The following SCHIP1 variants were observed in gnomAD, a reference collection of about 807,000 sequenced individuals.
SCHIP1 encodes schwannomin interacting protein 1.
SCHIP1 carries 8 observed loss-of-function variants against 29.7 expected under a neutral mutation model. The ratio of observed to expected loss-of-function variants is 0.27; its 90% CI spans 0.16 to 0.49. The LOEUF (loss-of-function observed/expected upper bound fraction) is 0.49. Among genes scored for constraint, SCHIP1 ranks in the 20% least tolerant of loss-of-function variants. The pLI, the probability that SCHIP1 is intolerant of heterozygous loss-of-function variation, is 0.99. For synonymous variants in SCHIP1, 76 were observed against 94.9 expected, an observed-to-expected ratio of 0.80 and a Z score of 1.16; for missense variants, 193 against 294.6, an observed-to-expected ratio of 0.66 and a Z score of 2.52.
the SCHIP1 span, among the ~76,000 whole-genome samples, chr3:159,357,553 A>G: frequency 6.6e-6 from 1 of 152,160 alleles, no homozygotes; most frequent in African/African-American, 2.4e-5. Flanking sequence ...TGTGTAGACT[A>G]GAAGGACTCA....
the SCHIP1 span, among the ~76,000 whole-genome samples, chr3:159,424,241 C>T: frequency 2.6e-5 from 4 of 151,144 alleles, no homozygotes; most frequent in South Asian, 2.1e-4. Flanking sequence ...GATCAAACTA[C>T]GAACTACAGG....
At chr3:159,812,214 A>C in the SCHIP1 span, among the ~76,000 whole-genome samples, 1 of 151,906 alleles carries the variant, frequency 6.6e-6, no homozygotes, top group East Asian at 1.9e-4. Flanking sequence ...CAAGTGATCC[A>C]CCCACCTTGG....
the SCHIP1 span, among the ~76,000 whole-genome samples, chr3:159,645,080 T>C: frequency 1.8e-4 from 27 of 152,290 alleles, no homozygotes; most frequent in African/African-American, 4.8e-4. Flanking sequence ...GCCTTGATTT[T>C]ATTTCCTATT....
exon 7 of SCHIP1, chr3:159,896,875 A>T: frequency 2.4e-6 from 3 of 1,245,660 alleles, no homozygotes; most frequent in Non-Finnish European, 3.3e-6. Flanking sequence ...TATCAGTGTT[A>T]GTCATTGATA....
At chr3:159,445,219 T>C in the SCHIP1 span, among the ~76,000 whole-genome samples, 2 of 152,088 alleles carry the variant, frequency 1.3e-5, no homozygotes, top group African/African-American at 4.8e-5. Context: ...GGGCAAAGGA[T>C]ATGAACAGAC....
At chr3:159,459,673 C>A in the SCHIP1 span, among the ~76,000 whole-genome samples, 1 of 152,138 alleles carries the variant, frequency 6.6e-6, no homozygotes, top group African/African-American at 2.4e-5. Flanking sequence ...TTAGCTTGTA[C>A]AACTAAAACA....
the SCHIP1 span, among the ~76,000 whole-genome samples, chr3:159,804,215 C>T: frequency 6.6e-6 from 1 of 152,146 alleles, no homozygotes; most frequent in East Asian, 1.9e-4. Context: ...TCTTTTAGAG[C>T]TCTGAGTATT....
chr3:159,672,875 C>T, the SCHIP1 span, among the ~76,000 whole-genome samples: 1 of 152,156 alleles, frequency 6.6e-6, no homozygotes, highest in Non-Finnish European at 1.5e-5. Flanking sequence ...GAGTCTCTGG[C>T]ACAGAAAACC....
chr3:159,276,758 A>G, the SCHIP1 span, among the ~76,000 whole-genome samples: 1 of 152,200 alleles, frequency 6.6e-6, no homozygotes, highest in East Asian at 1.9e-4. Context: ...CCAAATAGAA[A>G]TGTCTGGATA....
At chr3:159,676,672 G>A in the SCHIP1 span, among the ~76,000 whole-genome samples, 2 of 152,284 alleles carry the variant, frequency 1.3e-5, no homozygotes, top group Admixed American at 1.3e-4. Flanking sequence ...GAGGATAGGA[G>A]AGGAGAAGTG....
At chr3:159,431,282 G>A in the SCHIP1 span, among the ~76,000 whole-genome samples, 2 of 151,906 alleles carry the variant, frequency 1.3e-5, no homozygotes, top group Non-Finnish European at 2.9e-5. Context: ...CCTTGATGAC[G>A]TGTGTGTGGG....
chr3:159,811,970 T>TTTTTGTTTTTTTTTTTTTTGGCAGAG, the SCHIP1 span, among the ~76,000 whole-genome samples: 1 of 92,800 alleles, frequency 1.1e-5, no homozygotes, highest in East Asian at 3.1e-4. Context: ...TTTTTTTTGT[T>TTTTTGTTTTTTTTTTTTTTGGCAGAG]TTTGTTTTTG....
chr3:159,697,256 G>A, the SCHIP1 span, among the ~76,000 whole-genome samples: 1 of 152,142 alleles, frequency 6.6e-6, no homozygotes, highest in Admixed American at 6.6e-5. Context: ...AAGACATGAG[G>A]GAGAAGAAAG....
chr3:159,290,308 G>T, the SCHIP1 span, among the ~76,000 whole-genome samples: 1 of 152,188 alleles, frequency 6.6e-6, no homozygotes, highest in African/African-American at 2.4e-5. Context: ...ACAGCAGGAA[G>T]GGGGTGGTAA....
chr3:159,424,887 C>T, the SCHIP1 span, among the ~76,000 whole-genome samples: 1,172 of 145,788 alleles, frequency 8.0e-3, 11 homozygotes, highest in Middle Eastern at 0.035. Flanking sequence ...GGCCAATATT[C>T]AACATTTTTA....
the SCHIP1 span, among the ~76,000 whole-genome samples, chr3:159,545,686 T>C: frequency 6.8e-6 from 1 of 147,918 alleles, no homozygotes; most frequent in South Asian, 2.1e-4. Context: ...TATAGTATTA[T>C]ATAATAAAAT....
chr3:159,615,064 G>A, the SCHIP1 span, among the ~76,000 whole-genome samples: 2 of 152,190 alleles, frequency 1.3e-5, no homozygotes, highest in Non-Finnish European at 2.9e-5. Flanking sequence ...TTTCCTCAAA[G>A]GTACAATGCT....
chr3:159,527,382 T>G, the SCHIP1 span, among the ~76,000 whole-genome samples: 3 of 152,174 alleles, frequency 2.0e-5, no homozygotes, highest in Non-Finnish European at 4.4e-5. Context: ...AAAGCAACAC[T>G]TGCTTTATAT....
the SCHIP1 span, among the ~76,000 whole-genome samples, chr3:159,371,747 C>T: frequency 6.6e-6 from 1 of 152,108 alleles, no homozygotes; most frequent in Non-Finnish European, 1.5e-5. Context: ...TTTAAATCAT[C>T]TGCAGATTAT....
Sources: gnomAD v4.1 joint callset for allele counts (sites outside exome capture counted in the v4.1 genomes callset) on GRCh38, gnomAD v4.1.1 for gene constraint, MANE v1.5 for transcripts, NCBI Gene and HGNC (gene_info 2026-07-23, HGNC 2026-07-21) for gene names.